Variants in CECR2 observed in about 807,000 individuals in gnomAD.
CECR2 encodes CECR2 histone acetyl-lysine reader, also known as chromatin remodeling regulator CECR2.
In CECR2, 30 loss-of-function variants were observed where a neutral mutation model predicts 154.5. The ratio of observed to expected loss-of-function variants is 0.19; its 90% CI spans 0.15 to 0.26. The LOEUF (loss-of-function observed/expected upper bound fraction) is 0.26. Ranked by LOEUF, CECR2 falls within the 10% of genes least tolerant of loss-of-function variation. The pLI, the probability that CECR2 is intolerant of heterozygous loss-of-function variation, is 1.00. For missense variants in CECR2, 1,743 were observed against 1,829.3 expected (o/e 0.95, Z 0.86); for synonymous variants, 725 against 683.7 (o/e 1.06, Z -0.94).
chr22:17,537,044 A>G, intron 9 of CECR2, 59 bp from the exon 10 acceptor site: 1 of 1,590,728 alleles, frequency 6.3e-7, no homozygotes, highest in Non-Finnish European at 8.6e-7. Context: ...TGATGAAGGA[A>G]CACGCCATGT....
rs576257145 is a variant in CECR2, at chr22:17,434,095, G to A, written c.127-43493G>A. Among the ~76,000 whole-genome samples, 374 of 137,324 alleles carry A rather than the reference G, an allele frequency of 2.7e-3. 1 individual carries two copies. Among genetic ancestry groups the A allele is most frequent in the African/African-American group, 0.011 (333 of 30,596 alleles). The allele number at this position is 137,324 out of a possible 152,430, so 90.1% of individuals were successfully genotyped here. On this transcript the variant is annotated intron_variant, in intron 1 of 18. Transcript: ENST00000262608. ...AAAGTAAGGCACAGAGTGAAATAAC[G>A]TATTTCACTTACTTACTCTGTGTCA...
rs542835103 is a variant in CECR2 at position 17,415,479 on chromosome 22, C to A, written c.126+45570C>A. 4.6e-5 allele frequency among the ~76,000 whole-genome samples: 7 copies of A among 152,108 alleles called. No homozygotes were observed. The East Asian group carries it at 1.4e-3, about 29-fold the overall frequency. The stretch of plus-strand genomic sequence containing the variant: ...CTGGTCTCAAACTCCTGGGCTCAAG[C>A]GATCTTCCTGCCTTGGCCTCCCAAA... On this transcript the variant is annotated intron_variant, in intron 1 of 18. Transcript: ENST00000262608.
chr22:17,523,998 G>T (rs1012088001), intron 8 of CECR2, 120 bp from the exon 9 acceptor site: 11 of 746,508 alleles, frequency 1.5e-5, no homozygotes, highest in African/African-American at 1.8e-5. Context: ...TCAGCTTTTC[G>T]TGATATAAAG....
intron 1 of CECR2, among the ~76,000 whole-genome samples, chr22:17,474,881 G>A (rs1370063633): frequency 1.3e-5 from 2 of 152,172 alleles, no homozygotes. Context: ...CCTCAGGCTG[G>A]TCTTGAACTC....
chr22:17,400,861 T>A (rs990575215), intron 1 of CECR2, among the ~76,000 whole-genome samples: 1 of 152,140 alleles, frequency 6.6e-6, no homozygotes, highest in African/African-American at 2.4e-5. Context: ...AGCAGTCCTC[T>A]GGCCTCAGCC....
intron 1 of CECR2, among the ~76,000 whole-genome samples, chr22:17,473,114 T>C (rs2055155000): frequency 6.6e-6 from 1 of 152,176 alleles, no homozygotes; most frequent in Non-Finnish European, 1.5e-5. Context: ...TGAGCTGTGA[T>C]GCCAGCTGCA....
intron 1 of CECR2, among the ~76,000 whole-genome samples, chr22:17,396,561 CTG>C (rs1288061890): frequency 6.7e-6 from 1 of 150,022 alleles, no homozygotes; most frequent in Non-Finnish European, 1.5e-5. Flanking sequence ...AACAAACAAA[CTG>C]TGCATCACTT....
chr22:17,371,471 A>G (rs1246530353), intron 1 of CECR2, among the ~76,000 whole-genome samples: 1 of 152,246 alleles, frequency 6.6e-6, no homozygotes, highest in South Asian at 2.1e-4. Flanking sequence ...TCTTTAGACA[A>G]CTGTTAATAT....
rs529256691 is a variant in CECR2 at position 17,395,077 on chromosome 22, C to T, written c.126+25168C>T. Among the ~76,000 whole-genome samples the T allele has an allele frequency of 1.8e-3, 272 of 152,318 alleles. 2 individuals carry two copies. Among genetic ancestry groups the T allele is most frequent in the African/African-American group, 6.3e-3 (261 of 41,572 alleles). ...GATACAGAGCATTTGTATCTAACCC[C>T]AGTGTTGCCTTGTGTCCCTTGGCGG... On this transcript the variant is annotated intron_variant, in intron 1 of 18. Transcript: ENST00000262608.
chr22:17,382,966 G>A (rs530232866), intron 1 of CECR2, among the ~76,000 whole-genome samples: 2 of 152,188 alleles, frequency 1.3e-5, no homozygotes, highest in East Asian at 1.9e-4. Flanking sequence ...GGTGGCTCAC[G>A]CCTGTAATCC....
intron 17 of CECR2, among the ~76,000 whole-genome samples, chr22:17,549,823 A>C (rs2056681094): frequency 1.8e-5 from 2 of 112,076 alleles, no homozygotes; most frequent in Admixed American, 1.1e-4. Flanking sequence ...GTAGGGTTTC[A>C]CCGTGTTGCC....
At chr22:17,481,472 C>A (rs988520681) in intron 2 of CECR2, among the ~76,000 whole-genome samples, 2 of 151,864 alleles carry the variant, frequency 1.3e-5, no homozygotes, top group Non-Finnish European at 2.9e-5. Flanking sequence ...TGAGAGTAAT[C>A]ATCATGAAAC....
At chr22:17,389,624 T>C (rs1225102659) in intron 1 of CECR2, among the ~76,000 whole-genome samples, 1 of 151,920 alleles carries the variant, frequency 6.6e-6, no homozygotes, top group Non-Finnish European at 1.5e-5. Context: ...GGATATTCTT[T>C]TTTATTTATT....
intron 17 of CECR2, 113 bp downstream of exon 17, chr22:17,549,677 A>G: frequency 1.1e-6 from 1 of 948,118 alleles, no homozygotes; most frequent in Non-Finnish European, 1.6e-6. Context: ...CAGTGGTGTG[A>G]TCATGGCTCA....
upstream of CECR2, among the ~76,000 whole-genome samples, chr22:17,366,193 CTTT>C (rs568783570): frequency 2.7e-3 from 413 of 151,816 alleles, 2 homozygotes; most frequent in Non-Finnish European, 3.9e-3. Flanking sequence ...TGTGTTTTTT[CTTT>C]TTTCTTTTTT....
rs1601540752 is a variant in CECR2 at position 17,541,696 on chromosome 22, G to A, written c.1885-143G>A. 6 of 964,474 alleles carry A rather than the reference G, an allele frequency of 6.2e-6. No homozygotes were observed. The African/African-American group carries it at 9.8e-5, about 16-fold the overall frequency. 59.7% of individuals were successfully genotyped at this position (964,474 alleles called of 1,614,324 possible). A position where few individuals can be genotyped will look rare whatever the true frequency, so the allele number is the denominator to read the frequency against. On this transcript the variant is annotated intron_variant, in intron 14 of 18. Coordinates refer to ENST00000262608, the MANE Select transcript of CECR2 (RefSeq NM_001290047.2). ...AGCCCTGATGCGGGTGAGCACGTGT[G>A]TTCACAGTCTCCCTGTCTCCAGCCG... is the stretch of plus-strand genomic sequence containing the variant.
At chr22:17,549,838 C>T (rs1306556746) in intron 17 of CECR2, among the ~76,000 whole-genome samples, 1 of 134,504 alleles carries the variant, frequency 7.4e-6, no homozygotes, top group Admixed American at 8.3e-5. Flanking sequence ...GTTGCCCAGG[C>T]TGGTCCTAGT....
At chr22:17,539,761 A>G (rs1257905829) in intron 13 of CECR2, among the ~76,000 whole-genome samples, 1 of 152,164 alleles carries the variant, frequency 6.6e-6, no homozygotes, top group African/African-American at 2.4e-5. Context: ...TAAAAACAGC[A>G]GATTCAGCCA....
intron 1 of CECR2, among the ~76,000 whole-genome samples, chr22:17,447,070 T>G (rs187452356): frequency 2.2e-5 from 3 of 134,714 alleles, no homozygotes; most frequent in South Asian, 2.7e-4. Flanking sequence ...AGTCTCGCTG[T>G]CTTGCCCAGG....
Sources: allele counts gnomAD v4.1 joint callset (sites outside exome capture counted in the v4.1 genomes callset), GRCh38; gene constraint gnomAD v4.1.1; transcripts MANE v1.5; gene names NCBI Gene and HGNC (gene_info 2026-07-23, HGNC 2026-07-21).